Variants in GDAP2 observed in about 807,000 individuals in gnomAD.
GDAP2 encodes the protein ganglioside induced differentiation associated protein 2.
Under a neutral mutation model 67.0 loss-of-function variants are expected in GDAP2, and 51 were observed. The ratio of observed to expected loss-of-function variants is 0.76; its 90% CI spans 0.61 to 0.96. The LOEUF is 0.96. Among genes scored for constraint, GDAP2 ranks in the 40% least tolerant of loss-of-function variants. GDAP2 has a pLI of 0.00. For synonymous variants in GDAP2, 203 were observed against 207.3 expected (o/e 0.98, Z 0.18); for missense variants, 547 against 588.3 (o/e 0.93, Z 0.73).
At chr1:117,888,325 C>A (rs951842297) in intron 8 of GDAP2, among the ~76,000 whole-genome samples, 49 of 152,188 alleles carry the variant, frequency 3.2e-4, no homozygotes, top group African/African-American at 1.1e-3. Flanking sequence ...TCTGGGAAGT[C>A]CTGGAATATT....
chr1:117,885,245 C>T (rs1297664202), intron 10 of GDAP2, among the ~76,000 whole-genome samples: 1 of 151,976 alleles, frequency 6.6e-6, no homozygotes, highest in Non-Finnish European at 1.5e-5. Flanking sequence ...TTCTCCACCC[C>T]CCACCCCAGG....
chr1:117,893,654 A>G (rs1182126400), intron 8 of GDAP2, among the ~76,000 whole-genome samples: 1 of 152,218 alleles, frequency 6.6e-6, no homozygotes, highest in Non-Finnish European at 1.5e-5. Flanking sequence ...AAGAAATTTT[A>G]AAAACTACAA....
At chr1:117,894,685 T>C (rs1209195888) in intron 8 of GDAP2, among the ~76,000 whole-genome samples, 1 of 152,202 alleles carries the variant, frequency 6.6e-6, no homozygotes, top group Non-Finnish European at 1.5e-5. Flanking sequence ...TTGCTTTTTT[T>C]CATGCAACAC....
At chr1:117,881,188 G>A (rs1341378096) in intron 12 of GDAP2, among the ~76,000 whole-genome samples, 1 of 152,070 alleles carries the variant, frequency 6.6e-6, no homozygotes. Context: ...TGAAATGTCA[G>A]TTTTTAGCTT....
chr1:117,877,370 T>G (rs1648496318), intron 13 of GDAP2: 1 of 984,060 alleles, frequency 1.0e-6, no homozygotes, highest in Admixed American at 6.2e-5. Flanking sequence ...AACAATCAGC[T>G]TGATGAGCTT....
intron 5 of GDAP2, among the ~76,000 whole-genome samples, chr1:117,909,866 A>G (rs1197144266): frequency 1.3e-5 from 2 of 152,164 alleles, no homozygotes; most frequent in African/African-American, 2.4e-5. Flanking sequence ...AGAACTAAAA[A>G]CCAGTCTTCT....
rs1269059603 is a variant in GDAP2 at position 117,912,102 on chromosome 1, C to T, written c.471-20G>A. ...TGCTCTCTGCAACAAAGGGAAAACA[C>T]AAAAATTGCACTAGAAATATCAGTA... On this transcript the variant is annotated intron_variant, in intron 4 of 13. Coordinates refer to ENST00000369443, the MANE Select transcript of GDAP2 (RefSeq NM_017686.4). The T allele has an allele frequency of 5.6e-6, 8 of 1,419,478 alleles. No individual in the cohort carries two copies. The highest frequency in any genetic ancestry group is 2.8e-5 in the African/African-American group (2 of 71,192). The allele number at this position is 1,419,478 out of a possible 1,614,324, so 87.9% of individuals were successfully genotyped here. A position where few individuals can be genotyped will look rare whatever the true frequency, so the allele number is the denominator to read the frequency against.
At chr1:117,894,277 G>A (rs1649192377) in intron 8 of GDAP2, among the ~76,000 whole-genome samples, 2 of 152,192 alleles carry the variant, frequency 1.3e-5, no homozygotes, top group South Asian at 4.1e-4. Context: ...AGAGGCATGA[G>A]CCACCATGTC....
In GDAP2 at chr1:117,867,466, A is replaced by G. The variant is rs1226975775; in HGVS notation, c.*3103T>C. On this transcript the variant is annotated 3_prime_UTR_variant, in exon 14 of 14. Transcript: ENST00000369443. ...CACTTTGGGAGGCCGAGGCAGGAAG[A>G]TCACTTGAGGTCAGGAGTTTGAGAC... The G allele has an allele frequency of 6.7e-6, 1 of 150,314 alleles. No individual in the cohort carries two copies. The highest frequency in any genetic ancestry group is 1.5e-5 in the Non-Finnish European group (1 of 67,714). The allele number at this position is 150,314 out of a possible 1,614,324, so 9.3% of individuals were successfully genotyped here. A position where few individuals can be genotyped will look rare whatever the true frequency, so the allele number is the denominator to read the frequency against.
rs562672177 is a variant in GDAP2, at chr1:117,867,307, A to T, written c.*3262T>A. On this transcript the variant is annotated 3_prime_UTR_variant, in exon 14 of 14. Coordinates refer to ENST00000369443, the MANE Select transcript of GDAP2 (RefSeq NM_017686.4). ...TATTTTCAATTTCAGAAATTTGATT[A>T]AAAAACTACATCTATTTTTCCTACC... 3 of 152,216 alleles carry T rather than the reference A, an allele frequency of 2.0e-5. No homozygotes were observed. The highest frequency in any genetic ancestry group is 6.6e-5 in the Admixed American group (1 of 15,262). The allele number at this position is 152,216 out of a possible 1,614,324, so 9.4% of individuals were successfully genotyped here. A position where few individuals can be genotyped will look rare whatever the true frequency, so the allele number is the denominator to read the frequency against.
At chr1:117,888,680 T>C (rs1362525126) in intron 8 of GDAP2, among the ~76,000 whole-genome samples, 2 of 152,134 alleles carry the variant, frequency 1.3e-5, no homozygotes, top group Admixed American at 1.3e-4. Context: ...CTGAAGTGTC[T>C]AAATCATATA....
Position 117,920,209 on chromosome 1 carries a change from T to G in GDAP2, c.149A>C (p.Lys50Thr), listed in dbSNP as rs1173323168. 1 of 1,605,866 alleles carries G rather than the reference T, an allele frequency of 6.2e-7. No individual in the cohort carries two copies. Among genetic ancestry groups the G allele is most frequent in the African/African-American group, 1.3e-5 (1 of 74,698 alleles). ...DTVRSPFLYN[K>T]DVNGKVVLWK... ...AAGAACCACTTTTCCATTGACGTCC[T>G]TATTATAAAGAAAAGGTGATCGAAC... Residue 50 changes from lysine (K) to threonine (T), a missense_variant, in exon 2 of 14, where the codon AAG becomes ACG. Coordinates refer to ENST00000369443, the MANE Select transcript of GDAP2 (RefSeq NM_017686.4).
intron 13 of GDAP2, among the ~76,000 whole-genome samples, chr1:117,871,980 T>TTGTG (rs2101114151): frequency 6.6e-6 from 1 of 151,950 alleles, no homozygotes; most frequent in East Asian, 1.9e-4. Flanking sequence ...ACAAGGAACT[T>TTGTG]AAGCAAATTT....
chr1:117,873,462 A>G (rs1186639788), intron 13 of GDAP2, among the ~76,000 whole-genome samples: 1 of 152,138 alleles, frequency 6.6e-6, no homozygotes, highest in Non-Finnish European at 1.5e-5. Context: ...TAACCAAATA[A>G]AGAACCTTCT....
chr1:117,866,744 C>G lies in GDAP2; in HGVS notation c.*3825G>C, dbSNP rs1211961779. 6.6e-6 allele frequency: 1 copy of G among 151,114 alleles called. No homozygotes were observed. 9.4% of individuals were successfully genotyped at this position (151,114 alleles called of 1,614,324 possible). A position where few individuals can be genotyped will look rare whatever the true frequency, so the allele number is the denominator to read the frequency against. On this transcript the variant is annotated 3_prime_UTR_variant, in exon 14 of 14. Coordinates refer to ENST00000369443, the MANE Select transcript of GDAP2 (RefSeq NM_017686.4). ...TGGTGCATGTCTATAATCTCACTTA[C>G]TGGGGAGGCTGAGACAGGAGAATCT...
In GDAP2 at chr1:117,864,433, G is replaced by T. The variant is rs145068633; in HGVS notation, c.*6136C>A. On this transcript the variant is annotated 3_prime_UTR_variant, in exon 14 of 14. Transcript: ENST00000369443. ...GAATAGGAGAAAACAGGGTGAATTG[G>T]GTCATCACATAGTACATGGCAGTAC... The T allele has an allele frequency of 6.6e-6, 1 of 152,074 alleles. No homozygotes were observed. Among genetic ancestry groups the T allele is most frequent in the Admixed American group, 6.5e-5 (1 of 15,270 alleles). The allele number at this position is 152,074 out of a possible 1,614,324, so 9.4% of individuals were successfully genotyped here.
At chr1:117,901,559 G>A (rs1003687894) in intron 6 of GDAP2, among the ~76,000 whole-genome samples, 1 of 152,208 alleles carries the variant, frequency 6.6e-6, no homozygotes, top group Non-Finnish European at 1.5e-5. Context: ...TTATAGCCAT[G>A]TTAGTGGGTG....
intron 5 of GDAP2, among the ~76,000 whole-genome samples, chr1:117,908,808 G>A (rs1649747901): frequency 6.6e-6 from 1 of 151,802 alleles, no homozygotes; most frequent in African/African-American, 2.4e-5. Context: ...CTGGGCGACA[G>A]TGTATGACTC....
rs200524703 is a variant in GDAP2, at chr1:117,865,732, C to T, written c.*4837G>A. 6 of 152,302 alleles carry T rather than the reference C, an allele frequency of 3.9e-5. No individual in the cohort carries two copies. In the East Asian group the frequency reaches 1.2e-3, roughly 29 times the overall value. The allele number at this position is 152,302 out of a possible 1,614,324, so 9.4% of individuals were successfully genotyped here. ...ATACCTATGCTTTTCTTCCTGAACT[C>T]AGTGGTCCTATACATTTAAGGCATA... On this transcript the variant is annotated 3_prime_UTR_variant, in exon 14 of 14. Transcript: ENST00000369443.
Sources: gnomAD v4.1 joint callset for allele counts (sites outside exome capture counted in the v4.1 genomes callset) on GRCh38, gnomAD v4.1.1 for gene constraint, MANE v1.5 for transcripts, NCBI Gene and HGNC (gene_info 2026-07-23, HGNC 2026-07-21) for gene names.